GPR137B: variants seen among roughly 807,000 people sequenced by gnomAD.
The protein encoded by GPR137B is integral membrane protein GPR137B.
A neutral mutation model predicts 42.5 loss-of-function variants in GPR137B; 42 were observed. The observed-to-expected ratio is 0.99, with a 90% CI of 0.77 to 1.28. The LOEUF (loss-of-function observed/expected upper bound fraction) is 1.28. Ranked by LOEUF, GPR137B falls within the 50% of genes most tolerant of loss-of-function variation. GPR137B has a pLI of 0.00. For missense variants in GPR137B, 487 were observed against 493.9 expected (o/e 0.99, Z 0.13); for synonymous variants, 218 against 209.7 (o/e 1.04, Z -0.34).
At chr1:236,147,696 T>A (rs1410198403) in intron 1 of GPR137B, among the ~76,000 whole-genome samples, 1 of 152,202 alleles carries the variant, frequency 6.6e-6, no homozygotes, top group African/African-American at 2.4e-5. Flanking sequence ...CCACCGGGAC[T>A]CCACCTGCAA....
Position 236,207,890 on chromosome 1 carries a change from A to G in GPR137B, c.1092-160A>G, listed in dbSNP as rs1489314188. On this transcript the variant is annotated intron_variant, in intron 6 of 6. Coordinates refer to ENST00000366592, the MANE Select transcript of GPR137B (RefSeq NM_003272.4). The stretch of plus-strand genomic sequence containing the variant: ...CGGTGGGCATTTCAGCCCTGTGTGT[A>G]GCATGGTTTTGTGGGAAAATGGACT... 2.6e-5 allele frequency among the ~76,000 whole-genome samples: 4 copies of G among 152,172 alleles called. No individual in the cohort carries two copies. The East Asian group carries it at 5.8e-4, about 22-fold the overall frequency.
At chr1:236,187,969 A>G (rs1663081201) in intron 5 of GPR137B, among the ~76,000 whole-genome samples, 2 of 152,130 alleles carry the variant, frequency 1.3e-5, no homozygotes, top group African/African-American at 4.8e-5. Flanking sequence ...TGAGCATGGA[A>G]TGTTTTTCCA....
intron 1 of GPR137B, among the ~76,000 whole-genome samples, chr1:236,153,035 G>A (rs914798716): frequency 2.0e-5 from 3 of 149,384 alleles, no homozygotes; most frequent in African/African-American, 7.4e-5. Context: ...CAGGCTGGGA[G>A]ACAGAGCAAT....
Position 236,150,079 on chromosome 1 carries a change from GTGTC to G in GPR137B, c.414+7047_414+7050del, listed in dbSNP as rs539761996. Among the ~76,000 whole-genome samples the G allele has an allele frequency of 6.4e-4, 95 of 148,690 alleles. No individual in the cohort carries two copies. In the South Asian group the frequency reaches 0.011, roughly 17 times the overall value. On this transcript the variant is annotated intron_variant, in intron 1 of 6. Transcript: ENST00000366592. The surrounding 1 kb of genome is among the most constrained non-coding windows in gnomAD (Gnocchi z 6.2). Reference sequence around the variant, plus strand: ...TGCCTGTGTCTGTGTGGGTCTCTGAGTGTCTGTGCATGTGTGTGTCTGTGCCTGT... The same window carrying G: ...TGCCTGTGTCTGTGTGGGTCTCTGAGTGTGCATGTGTGTGTCTGTGCCTGT...
intron 5 of GPR137B, among the ~76,000 whole-genome samples, chr1:236,186,270 T>A (rs371921689): frequency 6.1e-5 from 3 of 49,090 alleles, no homozygotes; most frequent in African/African-American, 8.6e-5. Context: ...TATTATATAT[T>A]ATATATAATA....
chr1:236,161,516 T>TCATGCCTCCCACTCACAC (rs1662196502), intron 1 of GPR137B, among the ~76,000 whole-genome samples: 1 of 87,666 alleles, frequency 1.1e-5, no homozygotes, highest in Non-Finnish European at 2.0e-5. Flanking sequence ...ACTCACACCT[T>TCATGCCTCCCACTCACAC]CTCACGCCTC....
At chr1:236,173,293 A>G (rs929394039) in intron 2 of GPR137B, among the ~76,000 whole-genome samples, 9 of 148,494 alleles carry the variant, frequency 6.1e-5, no homozygotes, top group Admixed American at 2.7e-4. Context: ...CCTGTCTCAA[A>G]AAAAAAAAAA....
intron 1 of GPR137B, among the ~76,000 whole-genome samples, chr1:236,157,050 A>C (rs1558480588): frequency 6.6e-6 from 1 of 152,118 alleles, no homozygotes; most frequent in Non-Finnish European, 1.5e-5. Flanking sequence ...CAGGTGCTCT[A>C]CATGTCTATT....
At position 236,155,593 on chromosome 1, in the gene GPR137B, G is replaced by A. The variant is rs1175900181; in HGVS notation, c.414+12557G>A. Among the ~76,000 whole-genome samples the A allele has an allele frequency of 6.6e-6, 1 of 152,102 alleles. No homozygotes were observed. Among genetic ancestry groups the A allele is most frequent in the Non-Finnish European group, 1.5e-5 (1 of 68,028 alleles). On this transcript the variant is annotated intron_variant, in intron 1 of 6. Transcript: ENST00000366592. This position sits in a 1 kb window ranked among gnomAD's most constrained non-coding sequence, Gnocchi z 4.6. Reference sequence around the variant, plus strand: ...CCTGCTGGGCTGACTTATCAATGTGGGGGCTCAGGGCCACCCTGAGTTCTG... The same window carrying A: ...CCTGCTGGGCTGACTTATCAATGTGAGGGCTCAGGGCCACCCTGAGTTCTG...
intron 1 of GPR137B, among the ~76,000 whole-genome samples, chr1:236,154,551 G>A (rs921832391): frequency 3.3e-5 from 5 of 151,112 alleles, no homozygotes; most frequent in Middle Eastern, 3.4e-3. Context: ...AGCTTCCCCC[G>A]TTACCCACAT....
intron 1 of GPR137B, among the ~76,000 whole-genome samples, chr1:236,159,802 G>A (rs757737671): frequency 9.8e-5 from 15 of 152,318 alleles, no homozygotes; most frequent in South Asian, 2.1e-4. Context: ...TGTGTCATCC[G>A]AAAGGATGGG....
intron 6 of GPR137B, among the ~76,000 whole-genome samples, chr1:236,205,704 CA>C (rs776572573): frequency 2.0e-5 from 3 of 152,108 alleles, no homozygotes; most frequent in Non-Finnish European, 2.9e-5. Flanking sequence ...CCGCACCCAG[CA>C]AATTTTTTTA....
chr1:236,172,055 A>G (rs1455517778), intron 2 of GPR137B, among the ~76,000 whole-genome samples: 1 of 152,140 alleles, frequency 6.6e-6, no homozygotes, highest in East Asian at 1.9e-4. Flanking sequence ...AAAAAAAAAA[A>G]AAGTGAGATG....
At chr1:236,177,747 G>A (rs751394106) in intron 2 of GPR137B, among the ~76,000 whole-genome samples, 10 of 151,836 alleles carry the variant, frequency 6.6e-5, no homozygotes, top group Non-Finnish European at 2.9e-5. Flanking sequence ...GTAGAGACGG[G>A]GTTTCACCAT....
intron 5 of GPR137B, among the ~76,000 whole-genome samples, chr1:236,190,533 A>G (rs1241722006): frequency 6.6e-6 from 1 of 152,170 alleles, no homozygotes; most frequent in Non-Finnish European, 1.5e-5. Flanking sequence ...CCTGGTGGTG[A>G]CAAAGTCTCT....
At chr1:236,169,572 G>C (rs982405274) in intron 2 of GPR137B, among the ~76,000 whole-genome samples, 2 of 152,190 alleles carry the variant, frequency 1.3e-5, no homozygotes, top group African/African-American at 2.4e-5. Flanking sequence ...CATGGACACC[G>C]GGAGGCATGG....
chr1:236,203,670 T>G (rs12084285), intron 5 of GPR137B, among the ~76,000 whole-genome samples: 1,588 of 152,336 alleles, frequency 0.01, 28 homozygotes, highest in African/African-American at 0.035. Flanking sequence ...ATTTTTCCAT[T>G]TTTTGGTGTC....
At chr1:236,158,262 TA>T (rs1200001877) in intron 1 of GPR137B, among the ~76,000 whole-genome samples, 1 of 152,188 alleles carries the variant, frequency 6.6e-6, no homozygotes, top group African/African-American at 2.4e-5. Context: ...CTGTCTCTAC[TA>T]AAAATACAAA....
chr1:236,155,061 GA>G lies in GPR137B; in HGVS notation c.414+12026del, dbSNP rs1171143711. The stretch of plus-strand genomic sequence containing the variant: ...AGCCCTTGTCATTCCCAAGGCCAAA[GA>G]GAGAGAATCCTGCCAGGGAGGCAGG... On this transcript the variant is annotated intron_variant, in intron 1 of 6. Transcript: ENST00000366592. This position sits in a 1 kb window ranked among gnomAD's most constrained non-coding sequence, Gnocchi z 4.6. Among the ~76,000 whole-genome samples the G allele has an allele frequency of 8.5e-5, 13 of 152,372 alleles. No homozygotes were observed. The highest frequency in any genetic ancestry group is 3.4e-3 in the Middle Eastern group (1 of 294).
Sources: allele counts gnomAD v4.1 joint callset (sites outside exome capture counted in the v4.1 genomes callset), GRCh38; gene constraint gnomAD v4.1.1; non-coding constraint Gnocchi (gnomAD v3.1); transcripts MANE v1.5; gene names NCBI Gene and HGNC (gene_info 2026-07-23, HGNC 2026-07-21).